Variants in ZIC4 observed in about 807,000 individuals in gnomAD.
The protein encoded by ZIC4 is zinc finger protein ZIC 4.
A neutral mutation model predicts 28.8 loss-of-function variants in ZIC4; 15 were observed. That is an observed-to-expected ratio of 0.52 (90% CI 0.35 to 0.80). The LOEUF is 0.80. Among genes scored for constraint, ZIC4 ranks in the 30% least tolerant of loss-of-function variants. The pLI, the probability that ZIC4 is intolerant of heterozygous loss-of-function variation, is 0.01. For missense variants in ZIC4, 512 were observed against 467.1 expected, an observed-to-expected ratio of 1.10 and a Z score of -0.89; for synonymous variants, 220 against 198.1, an observed-to-expected ratio of 1.11 and a Z score of -0.93.
Position 147,391,026 on chromosome 3 carries a change from C to A in ZIC4, c.909G>T (p.Pro303=). The A allele has an allele frequency of 6.2e-7, 1 of 1,613,790 alleles. No homozygotes were observed. Among genetic ancestry groups the A allele is most frequent in the Non-Finnish European group, 8.5e-7 (1 of 1,179,978 alleles). ...PPSSGYDSAT[P]SALVSPSSDC... Reference sequence around the variant, plus strand: ...CCGACGAGGGCGACACGAGGGCAGACGGTGTAGCCGAATCGTAGCCAGAGC... The same window carrying A: ...CCGACGAGGGCGACACGAGGGCAGAAGGTGTAGCCGAATCGTAGCCAGAGC... The change falls in exon 4 of 5, where the codon CCG becomes CCT. Residue 303 remains proline, a synonymous_variant. Transcript: ENST00000383075.
intron 1 of ZIC4, chr3:147,404,103 G>C (rs2087224251): frequency 6.5e-7 from 1 of 1,536,090 alleles, no homozygotes; most frequent in Non-Finnish European, 8.7e-7. Context: ...CGGCATGCTG[G>C]GCGTCCTCGC....
chr3:147,399,076 T>C (rs1289390745), intron 2 of ZIC4, among the ~76,000 whole-genome samples: 1 of 151,848 alleles, frequency 6.6e-6, no homozygotes, highest in African/African-American at 2.4e-5. Context: ...TACCAATAGA[T>C]ACTCCTCAGT....
chr3:147,391,960 C>G (rs2086932211), intron 3 of ZIC4: 1 of 985,320 alleles, frequency 1.0e-6, no homozygotes, highest in African/African-American at 1.7e-5. Flanking sequence ...CAGCATTCTT[C>G]AAATCTTGCC....
At chr3:147,405,081 C>T (rs1408825470) in intron 1 of ZIC4, among the ~76,000 whole-genome samples, 1 of 152,258 alleles carries the variant, frequency 6.6e-6, no homozygotes, top group Admixed American at 6.5e-5. Context: ...TCCATTCGAC[C>T]CTCAAGCGCC....
Position 147,399,663 on chromosome 3 carries a change from A to ATT in ZIC4, c.70+3063_70+3064dup, listed in dbSNP as rs34229132. Among the ~76,000 whole-genome samples, 253 of 128,004 alleles carry ATT rather than the reference A, an allele frequency of 2.0e-3. 3 individuals carry two copies. Among genetic ancestry groups the ATT allele is most frequent in the Middle Eastern group, 4.2e-3 (1 of 240 alleles). 84.0% of individuals were successfully genotyped at this position (128,004 alleles called of 152,430 possible). A position where few individuals can be genotyped will look rare whatever the true frequency, so the allele number is the denominator to read the frequency against. On this transcript the variant is annotated intron_variant, in intron 2 of 4. Transcript: ENST00000383075. ...AAGACTCTGATTTGCAAAAACACGGATTTTTTTTTTTTTTTTTTTTGAGAG... is the reference window on the plus strand; with the variant it reads ...AAGACTCTGATTTGCAAAAACACGGATTTTTTTTTTTTTTTTTTTTTTGAGAG...
Position 147,396,357 on chromosome 3 carries a change from T to A in ZIC4, c.183A>T (p.Gly61=). 1.9e-6 allele frequency: 3 copies of A among 1,556,302 alleles called. No individual in the cohort carries two copies. The highest frequency in any genetic ancestry group is 2.6e-6 in the Non-Finnish European group (3 of 1,154,624). Residue 61 remains glycine (G), a synonymous_variant, in exon 3 of 5, where the codon GGA becomes GGT. Coordinates refer to ENST00000383075, the MANE Select transcript of ZIC4 (RefSeq NM_032153.6). The surrounding 1 kb of genome is among the most constrained non-coding windows in gnomAD (Gnocchi z 4.2). ...CTCCAGGGAGCCCCAGACGCAGGAG[T>A]CCATTCAAAGGACGGCTGGGGGAGG... ...PQASPSRPLN[G]LLRLGLPGDM...
chr3:147,401,872 C>T (rs9821074), intron 2 of ZIC4, among the ~76,000 whole-genome samples: 8,897 of 152,242 alleles, frequency 0.058, 340 homozygotes, highest in South Asian at 0.095. Flanking sequence ...GGAAACATTG[C>T]TTTTGGGTCT....
intron 3 of ZIC4, among the ~76,000 whole-genome samples, chr3:147,395,346 CA>C (rs995301549): frequency 2.6e-5 from 4 of 152,196 alleles, no homozygotes; most frequent in Middle Eastern, 3.4e-3. Context: ...GTCCGGCCAC[CA>C]AGGCTCAAAA....
At chr3:147,393,510 G>T in intron 3 of ZIC4, 1 of 200,100 alleles carries the variant, frequency 5.0e-6, no homozygotes, top group Non-Finnish European at 1.0e-5. Flanking sequence ...AGCGTCCTAG[G>T]CCCGGGGCTG....
At chr3:147,403,645 T>A (rs2087215011) in intron 1 of ZIC4, 1 of 202,314 alleles carries the variant, frequency 4.9e-6, no homozygotes, top group African/African-American at 2.3e-5. Context: ...GAAGCATCTA[T>A]CCGGCCCCCA....
chr3:147,388,831 G>C lies in ZIC4; in HGVS notation c.*28C>G, dbSNP rs1426250966. ...CGGGGCGCTCAGCTGCGCGGAGCGAGATTACCTTGCGAGCAACGCGGTGGA... is the reference window on the plus strand; with the variant it reads ...CGGGGCGCTCAGCTGCGCGGAGCGACATTACCTTGCGAGCAACGCGGTGGA... On this transcript the variant is annotated 3_prime_UTR_variant, in exon 5 of 5. Coordinates refer to ENST00000383075, the MANE Select transcript of ZIC4 (RefSeq NM_032153.6). 4 of 779,656 alleles carry C rather than the reference G, an allele frequency of 5.1e-6. No individual in the cohort carries two copies. The highest frequency in any genetic ancestry group is 7.2e-6 in the Non-Finnish European group (3 of 417,756). 48.3% of individuals were successfully genotyped at this position (779,656 alleles called of 1,614,324 possible). A position where few individuals can be genotyped will look rare whatever the true frequency, so the allele number is the denominator to read the frequency against.
At chr3:147,397,797 G>T (rs1170651728) in intron 2 of ZIC4, among the ~76,000 whole-genome samples, 1 of 152,150 alleles carries the variant, frequency 6.6e-6, no homozygotes. Flanking sequence ...TTTATTTTCT[G>T]GCTTTCTCCG....
At position 147,406,421 on chromosome 3, in the gene ZIC4, G is replaced by C. The variant is rs893006916; in HGVS notation, c.-74C>G. On this transcript the variant is annotated 5_prime_UTR_variant, in exon 1 of 5. Transcript: ENST00000383075. ...CTGCACATCATTTCGGGGTGGCTGA[G>C]AGGGGACCACAAACCCCTCCAAGCC... is the stretch of plus-strand genomic sequence containing the variant. 2.0e-5 allele frequency: 3 copies of C among 152,570 alleles called. No individual in the cohort carries two copies. The highest frequency in any genetic ancestry group is 2.0e-4 in the Admixed American group (3 of 15,284). The allele number at this position is 152,570 out of a possible 1,614,324, so 9.5% of individuals were successfully genotyped here.
intron 1 of ZIC4, chr3:147,406,157 C>G (rs957522221): frequency 1.3e-5 from 2 of 153,324 alleles, no homozygotes; most frequent in African/African-American, 4.8e-5. Flanking sequence ...GGAAGGGCCC[C>G]CTCCTCCCCT....
At chr3:147,405,814 T>C in intron 1 of ZIC4, 1 of 362,976 alleles carries the variant, frequency 2.8e-6, no homozygotes, top group South Asian at 2.8e-5. Context: ...AGTTCCATCG[T>C]CTTGCTGCCA....
chr3:147,390,613 G>C lies in ZIC4; in HGVS notation c.1004+318C>G, dbSNP rs533530625. Among the ~76,000 whole-genome samples the C allele has an allele frequency of 5.9e-5, 9 of 152,240 alleles. No individual in the cohort carries two copies. In the South Asian group the frequency reaches 1.9e-3, roughly 32 times the overall value. ...CCCAGTCATGAAGGCGCGTGTGGGGGTGATGGTGCTGATTGTGACTACAGA... is the reference window on the plus strand; with the variant it reads ...CCCAGTCATGAAGGCGCGTGTGGGGCTGATGGTGCTGATTGTGACTACAGA... On this transcript the variant is annotated intron_variant, in intron 4 of 4. Coordinates refer to ENST00000383075, the MANE Select transcript of ZIC4 (RefSeq NM_032153.6).
rs1306106624 is a variant in ZIC4 at position 147,390,891 on chromosome 3, G to A, written c.1004+40C>T. 5 of 1,562,460 alleles carry A rather than the reference G, an allele frequency of 3.2e-6. 1 individual carries two copies. The highest frequency in any genetic ancestry group is 1.2e-5 in the South Asian group (1 of 82,718). ...GTAGCTCGGGGCTGAGGATCGCGGC[G>A]GGGGCAGCCGCTATGGGGCCCAAGC... On this transcript the variant is annotated intron_variant, in intron 4 of 4. Coordinates refer to ENST00000383075, the MANE Select transcript of ZIC4 (RefSeq NM_032153.6).
Position 147,396,363 on chromosome 3 carries a change from C to T in ZIC4, c.177G>A (p.Leu59=). 6.4e-7 allele frequency: 1 copy of T among 1,550,744 alleles called. No individual in the cohort carries two copies. The highest frequency in any genetic ancestry group is 1.8e-4 in the Middle Eastern group (1 of 5,688). The part of the protein sequence containing the change: ...EPPQASPSRP[L]NGLLRLGLPG... ...GGAGCCCCAGACGCAGGAGTCCATT[C>T]AAAGGACGGCTGGGGGAGGCCTGGG... Residue 59 remains leucine, a synonymous_variant, in exon 3 of 5, where the codon TTG becomes TTA. Coordinates refer to ENST00000383075, the MANE Select transcript of ZIC4 (RefSeq NM_032153.6). This position sits in a 1 kb window ranked among gnomAD's most constrained non-coding sequence, Gnocchi z 4.2.
intron 3 of ZIC4, chr3:147,391,866 A>G: frequency 1.5e-6 from 1 of 645,788 alleles, no homozygotes; most frequent in Non-Finnish European, 1.9e-6. Flanking sequence ...AGGTATTCTG[A>G]GCAATGATTC....
Sources: gnomAD v4.1 joint callset for allele counts (sites outside exome capture counted in the v4.1 genomes callset) on GRCh38, gnomAD v4.1.1 for gene constraint, Gnocchi (gnomAD v3.1) non-coding constraint, MANE v1.5 for transcripts, NCBI Gene and HGNC (gene_info 2026-07-23, HGNC 2026-07-21) for gene names.